Variants in MALRD1 observed in about 807,000 individuals in gnomAD.
MALRD1 encodes MAM and LDL receptor class A domain containing 1.
MALRD1 carries 247 observed loss-of-function variants against 242.1 expected under a neutral mutation model. The observed-to-expected ratio is 1.02, with a 90% CI of 0.92 to 1.13. The LOEUF is 1.13. MALRD1 is among the 50% of genes most tolerant of loss of function. The probability of loss-of-function intolerance (pLI) is 0.00; values close to 1 mark genes in which losing one functional copy is unlikely to be tolerated. For synonymous variants in MALRD1, 995 were observed against 866.6 expected, an observed-to-expected ratio of 1.15 and a Z score of -2.60; for missense variants, 2,989 against 2,533.1, an observed-to-expected ratio of 1.18 and a Z score of -3.86.
chr10:19,584,200 A>G (rs1476201539), intron 33 of MALRD1, among the ~76,000 whole-genome samples: 8 of 152,002 alleles, frequency 5.3e-5, no homozygotes, highest in Admixed American at 4.6e-4. Context: ...GATTTTTTGA[A>G]GGGTTTTTTG....
chr10:19,185,010 T>G (rs1835675264), intron 14 of MALRD1, among the ~76,000 whole-genome samples: 1 of 152,232 alleles, frequency 6.6e-6, no homozygotes, highest in African/African-American at 2.4e-5. Context: ...CAAATACTAT[T>G]TATAAGTTCC....
At chr10:19,507,311 G>A (rs143959103) in intron 31 of MALRD1, among the ~76,000 whole-genome samples, 1 of 152,210 alleles carries the variant, frequency 6.6e-6, no homozygotes, top group Non-Finnish European at 1.5e-5. Context: ...GTAGGTAGGA[G>A]TTCATTAGTC....
intron 32 of MALRD1, among the ~76,000 whole-genome samples, chr10:19,537,144 G>T (rs149116890): frequency 2.6e-5 from 4 of 152,184 alleles, no homozygotes; most frequent in African/African-American, 9.7e-5. Context: ...TTATGACCTT[G>T]TACATGATAA....
At chr10:19,221,401 C>G (rs759053446) in intron 18 of MALRD1, among the ~76,000 whole-genome samples, 17 of 152,062 alleles carry the variant, frequency 1.1e-4, no homozygotes, top group Non-Finnish European at 2.1e-4. Flanking sequence ...TTGGAAGGAG[C>G]CTGTTGGTAT....
At chr10:19,317,359 C>G (rs1332469677) in intron 21 of MALRD1, among the ~76,000 whole-genome samples, 1 of 151,844 alleles carries the variant, frequency 6.6e-6, no homozygotes, top group Non-Finnish European at 1.5e-5. Context: ...ACCCTAAAAA[C>G]CCAACCACCT....
intron 36 of MALRD1, among the ~76,000 whole-genome samples, chr10:19,634,797 A>T (rs1216621334): frequency 6.6e-6 from 1 of 152,120 alleles, no homozygotes; most frequent in Non-Finnish European, 1.5e-5. Flanking sequence ...GAAGAGTTAG[A>T]TGCCACAGAC....
chr10:19,337,004 T>C (rs1016331070), intron 24 of MALRD1, among the ~76,000 whole-genome samples: 1 of 152,138 alleles, frequency 6.6e-6, no homozygotes, highest in Non-Finnish European at 1.5e-5. Context: ...TTCTTGAGCA[T>C]GTACTTCTTT....
chr10:19,600,536 T>C (rs1291531620), intron 34 of MALRD1, among the ~76,000 whole-genome samples: 7 of 152,206 alleles, frequency 4.6e-5, no homozygotes, highest in Non-Finnish European at 8.8e-5. Context: ...GTTAGGTGTG[T>C]GCGCCCTGAA....
At chr10:19,302,615 T>C (rs920231606) in intron 21 of MALRD1, among the ~76,000 whole-genome samples, 2 of 151,670 alleles carry the variant, frequency 1.3e-5, no homozygotes, top group Non-Finnish European at 2.9e-5. Flanking sequence ...TTCCAAAGGA[T>C]AGAGAAAGGT....
Position 19,280,203 on chromosome 10 carries a change from A to C in MALRD1, c.3236A>C (p.Lys1079Thr), listed in dbSNP as rs1840740476. The C allele has an allele frequency of 6.6e-7, 1 of 1,513,586 alleles. No individual in the cohort carries two copies. The highest frequency in any genetic ancestry group is 8.8e-7 in the Non-Finnish European group (1 of 1,133,598). 93.8% of individuals were successfully genotyped at this position (1,513,586 alleles called of 1,614,324 possible). The change falls in exon 20 of 40, where the codon AAA (lysine) becomes ACA (threonine). Residue 1079 changes from lysine (K) to threonine (T), a missense_variant. Transcript: ENST00000454679. ...KCDFKYDCPD[K>T]SDEASCVMEV... The stretch of plus-strand genomic sequence containing the variant: ...GATTTTAAATATGACTGCCCTGACA[A>C]ATCAGATGAAGCATCCTGTGGTAGG...
At chr10:19,208,837 C>A (rs1478152928) in intron 17 of MALRD1, among the ~76,000 whole-genome samples, 1 of 152,098 alleles carries the variant, frequency 6.6e-6, no homozygotes. Flanking sequence ...AAATCAACAC[C>A]TCTGGAGATG....
intron 31 of MALRD1, among the ~76,000 whole-genome samples, chr10:19,525,845 A>G (rs1295344774): frequency 6.6e-6 from 1 of 152,202 alleles, no homozygotes; most frequent in Non-Finnish European, 1.5e-5. Context: ...AATTGAATGC[A>G]TTCTGATCTG....
At chr10:19,499,543 C>T (rs1017887813) in intron 31 of MALRD1, among the ~76,000 whole-genome samples, 10 of 152,082 alleles carry the variant, frequency 6.6e-5, no homozygotes, top group Non-Finnish European at 1.5e-4. Context: ...GTTCTCCAGC[C>T]TGACAGTCCA....
intron 26 of MALRD1, among the ~76,000 whole-genome samples, chr10:19,372,772 T>G (rs1387167771): frequency 6.6e-6 from 1 of 152,058 alleles, no homozygotes; most frequent in East Asian, 1.9e-4. Flanking sequence ...CCAGCCAGTA[T>G]TCAATTTTTT....
intron 38 of MALRD1, among the ~76,000 whole-genome samples, chr10:19,724,690 C>G (rs929586871): frequency 6.6e-6 from 1 of 152,112 alleles, no homozygotes; most frequent in Non-Finnish European, 1.5e-5. Context: ...CCCCACTAAG[C>G]TAGGGATAAA....
intron 5 of MALRD1, among the ~76,000 whole-genome samples, chr10:19,120,200 G>A (rs1024016350): frequency 4.6e-5 from 7 of 152,066 alleles, no homozygotes; most frequent in African/African-American, 1.7e-4. Flanking sequence ...GAGCAGATGA[G>A]GGAAAACCAC....
At chr10:19,188,777 A>C (rs1835847051) in intron 14 of MALRD1, among the ~76,000 whole-genome samples, 1 of 152,140 alleles carries the variant, frequency 6.6e-6, no homozygotes, top group Admixed American at 6.6e-5. Flanking sequence ...TCAGAAATGG[A>C]AGCAGAAAGA....
intron 11 of MALRD1, among the ~76,000 whole-genome samples, chr10:19,150,833 T>G (rs949869552): frequency 1.3e-5 from 2 of 152,232 alleles, no homozygotes; most frequent in African/African-American, 2.4e-5. Context: ...TATACCATAA[T>G]GTATCTAGCT....
chr10:19,719,651 C>T (rs370991183), intron 38 of MALRD1, among the ~76,000 whole-genome samples: 5 of 152,186 alleles, frequency 3.3e-5, no homozygotes, highest in Admixed American at 2.6e-4. Context: ...TTTTCCTCTG[C>T]GTTTTGTGGC....
Sources: gnomAD v4.1 joint callset for allele counts (sites outside exome capture counted in the v4.1 genomes callset) on GRCh38, gnomAD v4.1.1 for gene constraint, MANE v1.5 for transcripts, NCBI Gene and HGNC (gene_info 2026-07-23, HGNC 2026-07-21) for gene names.